The following ATP2C2 variants were observed in gnomAD, a reference collection of about 807,000 sequenced individuals.
ATP2C2 encodes the protein ATPase secretory pathway Ca2+ transporting 2.
A neutral mutation model predicts 110.8 loss-of-function variants in ATP2C2; 171 were observed. The ratio of observed to expected loss-of-function variants is 1.54; its 90% confidence interval spans 1.36 to 1.75. The LOEUF (loss-of-function observed/expected upper bound fraction) is 1.75. Among genes scored for constraint, ATP2C2 ranks in the 40% most tolerant of loss-of-function variants. ATP2C2 has a pLI of 0.00. For synonymous variants in ATP2C2, 804 were observed against 508.4 expected, an observed-to-expected ratio of 1.58 and a Z score of -7.82; for missense variants, 1,963 against 1,235.0, an observed-to-expected ratio of 1.59 and a Z score of -8.84.
chr16:84,419,953 C>G (rs1907180085), intron 7 of ATP2C2, among the ~76,000 whole-genome samples: 1 of 152,182 alleles, frequency 6.6e-6, no homozygotes, highest in South Asian at 2.1e-4. Flanking sequence ...GAGATAGCAG[C>G]TTTTGGCGCA....
intron 21 of ATP2C2, 55 bp from the exon 22 acceptor site, chr16:84,459,065 G>A (rs1597880895): frequency 6.3e-7 from 1 of 1,590,550 alleles, no homozygotes; most frequent in East Asian, 2.2e-5. Flanking sequence ...CCGATGCACT[G>A]GTCCAGCCCT....
intron 1 of ATP2C2, among the ~76,000 whole-genome samples, chr16:84,377,224 A>G (rs1265600134): frequency 6.6e-6 from 1 of 152,072 alleles, no homozygotes; most frequent in Admixed American, 6.5e-5. Flanking sequence ...TCCTAGTAGT[A>G]GTGGAAGTCA....
Position 84,422,527 on chromosome 16 carries a change from T to C in ATP2C2, c.762T>C (p.Tyr254=). Reference sequence around the variant, plus strand: ...TCTTCATGGGGACCCTGGTGCAGTATGGGAGGGGCCAGGTAAGCCCTGGGA... The same window carrying C: ...TCTTCATGGGGACCCTGGTGCAGTACGGGAGGGGCCAGGTAAGCCCTGGGA... ...NIVFMGTLVQ[Y]GRGQGVVIGT... Residue 254 remains tyrosine (Y), a synonymous_variant, in exon 8 of 27, where the codon TAT becomes TAC. Transcript: ENST00000262429. 6.2e-7 allele frequency: 1 copy of C among 1,613,994 alleles called. No individual in the cohort carries two copies. The highest frequency in any genetic ancestry group is 8.5e-7 in the Non-Finnish European group (1 of 1,179,966).
At chr16:84,462,665 C>T (rs1218276028) in intron 26 of ATP2C2, 3 of 153,272 alleles carry the variant, frequency 2.0e-5, no homozygotes, top group Non-Finnish European at 2.9e-5. Flanking sequence ...GAGTGTGGCA[C>T]CTTTCTCTGA....
At chr16:84,459,486 A>G (rs887977738) in intron 23 of ATP2C2, 100 bp downstream of exon 23, 3 of 1,594,622 alleles carry the variant, frequency 1.9e-6, no homozygotes, top group Admixed American at 1.7e-5. Context: ...GGATGAACAA[A>G]TACAGCCACT....
At chr16:84,403,683 C>G (rs537542947) in intron 2 of ATP2C2, among the ~76,000 whole-genome samples, 59 of 152,020 alleles carry the variant, frequency 3.9e-4, no homozygotes, top group African/African-American at 1.3e-3. Context: ...CATTCTCTAT[C>G]TCCAGAATTC....
chr16:84,463,631 G>A lies in ATP2C2; in HGVS notation c.2740G>A (p.Gly914Arg), dbSNP rs1240035375. The A allele has an allele frequency of 6.2e-7, 1 of 1,613,954 alleles. No individual in the cohort carries two copies. The highest frequency in any genetic ancestry group is 1.3e-5 in the African/African-American group (1 of 74,922). Residue 914 changes from glycine to arginine, a missense_variant, in exon 27 of 27, where the codon GGA becomes AGA. By Grantham distance (125) the Gly-to-Arg change is moderately radical. Coordinates refer to ENST00000262429, the MANE Select transcript of ATP2C2 (RefSeq NM_014861.4). Reference protein sequence around the residue: ...LGALDLLFLTGLASSVFILSE... With the variant: ...LGALDLLFLTRLASSVFILSE... ...CTTGGCAGATTTGCTGTTTTTAACT[G>A]GATTGGCCTCATCCGTCTTCATTTT... is the stretch of plus-strand genomic sequence containing the variant.
chr16:84,405,308 T>C, intron 3 of ATP2C2, 64 bp downstream of exon 3: 3 of 1,400,328 alleles, frequency 2.1e-6, no homozygotes, highest in Non-Finnish European at 3.0e-6. Flanking sequence ...GGGCAGCCAT[T>C]CCATCTTTCA....
At chr16:84,460,303 C>T (rs1911161911) in intron 23 of ATP2C2, 1 of 351,376 alleles carries the variant, frequency 2.8e-6, no homozygotes, top group South Asian at 2.6e-5. Flanking sequence ...ATGAGGGGCT[C>T]TGCGGAGGGC....
intron 1 of ATP2C2, among the ~76,000 whole-genome samples, chr16:84,380,693 G>C (rs910317100): frequency 6.6e-5 from 10 of 152,174 alleles, no homozygotes; most frequent in Admixed American, 2.6e-4. Context: ...CTCGCCAGCT[G>C]TGAGACCTCG....
chr16:84,391,756 C>T (rs1174910729), intron 1 of ATP2C2, among the ~76,000 whole-genome samples: 1 of 152,094 alleles, frequency 6.6e-6, no homozygotes, highest in Non-Finnish European at 1.5e-5. Context: ...GAACAAATTT[C>T]GGTTGTTTTA....
intron 6 of ATP2C2, among the ~76,000 whole-genome samples, chr16:84,412,774 A>G (rs1013662721): frequency 4.6e-5 from 7 of 151,862 alleles, no homozygotes; most frequent in Non-Finnish European, 7.4e-5. Flanking sequence ...TTTCCCGAAC[A>G]TACCTGGCTG....
chr16:84,438,424 GC>G (rs895540405), intron 11 of ATP2C2, among the ~76,000 whole-genome samples: 1 of 152,166 alleles, frequency 6.6e-6, no homozygotes, highest in African/African-American at 2.4e-5. Context: ...GATAGAAAGA[GC>G]CCCCTCTACA....
In ATP2C2 at chr16:84,398,549, A is replaced by G; in HGVS notation, c.150A>G (p.Thr50=). The G allele has an allele frequency of 1.2e-6, 2 of 1,613,762 alleles. No individual in the cohort carries two copies. The highest frequency in any genetic ancestry group is 1.7e-6 in the Non-Finnish European group (2 of 1,179,884). Residue 50 remains threonine, a synonymous_variant, in exon 2 of 27, where the codon ACA becomes ACG. Coordinates refer to ENST00000262429, the MANE Select transcript of ATP2C2 (RefSeq NM_014861.4). ...LKAIEKEKKV[T]ALPPKEACKC... is the part of the protein sequence containing the mutation. The stretch of plus-strand genomic sequence containing the variant: ...CCATCGAGAAAGAGAAGAAGGTGAC[A>G]GCCCTGCCCCCCAAGGAAGCGTGCA...
intron 21 of ATP2C2, among the ~76,000 whole-genome samples, chr16:84,456,649 G>C (rs58966071): frequency 0.14 from 11,122 of 79,494 alleles, 1,099 homozygotes; most frequent in East Asian, 0.52. Flanking sequence ...CAAAGTCTCA[G>C]GATACAAAAT....
At chr16:84,386,984 T>C (rs930764337) in intron 1 of ATP2C2, among the ~76,000 whole-genome samples, 1 of 152,162 alleles carries the variant, frequency 6.6e-6, no homozygotes, top group Non-Finnish European at 1.5e-5. Flanking sequence ...TGCAATGTTC[T>C]TCCCCATTTT....
At position 84,436,783 on chromosome 16, in the gene ATP2C2, A is replaced by G. The variant is rs1238578504; in HGVS notation, c.987-2383A>G. On this transcript the variant is annotated intron_variant, in intron 11 of 26. Coordinates refer to ENST00000262429, the MANE Select transcript of ATP2C2 (RefSeq NM_014861.4). ...AGGCTGTTTTTTTTTTTTTTTTGAG[A>G]CAGACTTTCACTCTTGTTGCCCAGG... Among the ~76,000 whole-genome samples the G allele has an allele frequency of 5.2e-5, 4 of 76,892 alleles. No individual in the cohort carries two copies. In the South Asian group the frequency reaches 1.3e-3, roughly 25 times the overall value. The allele number at this position is 76,892 out of a possible 152,430, so 50.4% of individuals were successfully genotyped here. A position where few individuals can be genotyped will look rare whatever the true frequency, so the allele number is the denominator to read the frequency against.
At chr16:84,403,732 C>T (rs1905504562) in intron 2 of ATP2C2, among the ~76,000 whole-genome samples, 1 of 151,966 alleles carries the variant, frequency 6.6e-6, no homozygotes, top group Non-Finnish European at 1.5e-5. Context: ...TTCTTGTTGC[C>T]CAGGCTGGAG....
chr16:84,387,071 CTGTT>C (rs1258824738), intron 1 of ATP2C2, among the ~76,000 whole-genome samples: 1 of 152,160 alleles, frequency 6.6e-6, no homozygotes, highest in Non-Finnish European at 1.5e-5. Context: ...GAGGGAAAAA[CTGTT>C]TGGCAGTGAC....
Sources: gnomAD v4.1 joint callset for allele counts (sites outside exome capture counted in the v4.1 genomes callset) on GRCh38, gnomAD v4.1.1 for gene constraint, MANE v1.5 for transcripts, NCBI Gene and HGNC (gene_info 2026-07-23, HGNC 2026-07-21) for gene names.